The following NEGR1 variants were observed in gnomAD, a reference collection of about 807,000 sequenced individuals.
The protein encoded by NEGR1 is neuronal growth regulator 1.
In NEGR1, 10 loss-of-function variants were observed where a neutral mutation model predicts 40.9. The ratio of observed to expected loss-of-function variants is 0.24; its 90% CI spans 0.15 to 0.42. NEGR1 has a LOEUF of 0.42. NEGR1 is among the 10% of genes least tolerant of loss of function. NEGR1 has a pLI of 1.00. For synonymous variants in NEGR1, 185 were observed against 166.8 expected, an observed-to-expected ratio of 1.11 and a Z score of -0.84; for missense variants, 352 against 438.9, an observed-to-expected ratio of 0.80 and a Z score of 1.77.
In NEGR1 at chr1:71,911,053, C is replaced by T. The variant is rs150450307; in HGVS notation, c.409+24026G>A. The stretch of plus-strand genomic sequence containing the variant: ...GTAGTACTTTAAAAAAATAAAAGAG[C>T]TTGAGAACCACCCTAGTGAGAGAAA... On this transcript the variant is annotated intron_variant, in intron 2 of 6. Coordinates refer to ENST00000357731, the MANE Select transcript of NEGR1 (RefSeq NM_173808.3). 2.1e-3 allele frequency among the ~76,000 whole-genome samples: 319 copies of T among 152,202 alleles called. 1 individual carries two copies. Among genetic ancestry groups the T allele is most frequent in the African/African-American group, 7.4e-3 (308 of 41,554 alleles).
At chr1:71,923,826 C>T (rs964806362) in intron 2 of NEGR1, among the ~76,000 whole-genome samples, 1 of 152,182 alleles carries the variant, frequency 6.6e-6, no homozygotes, top group African/African-American at 2.4e-5. Flanking sequence ...TCTGACCATT[C>T]TTTTGCCTTC....
At chr1:72,256,188 G>T (rs146019645) in intron 1 of NEGR1, among the ~76,000 whole-genome samples, 4 of 152,276 alleles carry the variant, frequency 2.6e-5, no homozygotes, top group Non-Finnish European at 5.9e-5. Flanking sequence ...AGCATGCATT[G>T]CACATACTGA....
intron 1 of NEGR1, among the ~76,000 whole-genome samples, chr1:72,191,663 A>G (rs938370201): frequency 2.0e-5 from 3 of 151,830 alleles, no homozygotes; most frequent in Non-Finnish European, 4.4e-5. Context: ...AAATTCATAC[A>G]TTTATTTTAT....
At chr1:71,916,127 G>A (rs1191795107) in intron 2 of NEGR1, among the ~76,000 whole-genome samples, 1 of 152,014 alleles carries the variant, frequency 6.6e-6, no homozygotes, top group Non-Finnish European at 1.5e-5. Context: ...GCAGGGAGTG[G>A]GGGTTTCCCT....
chr1:71,935,443 G>A, intron 1 of NEGR1, 132 bp from the exon 2 acceptor site: 1 of 646,546 alleles, frequency 1.5e-6, no homozygotes, highest in Non-Finnish European at 2.7e-6. Flanking sequence ...CATTAACTCA[G>A]GAAACATGAA....
At chr1:71,659,720 G>GA (rs370104665) in intron 4 of NEGR1, among the ~76,000 whole-genome samples, 1 of 152,056 alleles carries the variant, frequency 6.6e-6, no homozygotes, top group Non-Finnish European at 1.5e-5. Context: ...CAAGCATATG[G>GA]AAAAAAGCTA....
At chr1:72,259,233 T>TAA (rs1655374769) in intron 1 of NEGR1, among the ~76,000 whole-genome samples, 1 of 152,112 alleles carries the variant, frequency 6.6e-6, no homozygotes, top group South Asian at 2.1e-4. Context: ...CTATAGATTG[T>TAA]AACTCAATTC....
At chr1:71,639,633 G>A (rs1349252993) in intron 4 of NEGR1, among the ~76,000 whole-genome samples, 1 of 152,040 alleles carries the variant, frequency 6.6e-6, no homozygotes. Flanking sequence ...TATACACTGT[G>A]CTGCTGGTGA....
intron 6 of NEGR1, among the ~76,000 whole-genome samples, chr1:71,537,227 A>C (rs887382045): frequency 7.9e-5 from 12 of 151,854 alleles, no homozygotes; most frequent in Middle Eastern, 3.4e-3. Flanking sequence ...GGGCACAGAG[A>C]GATTAAATAT....
chr1:71,941,972 T>G (rs1645963300), intron 1 of NEGR1, among the ~76,000 whole-genome samples: 1 of 151,970 alleles, frequency 6.6e-6, no homozygotes. Flanking sequence ...TATGAAATAA[T>G]TACACTAAAT....
intron 5 of NEGR1, among the ~76,000 whole-genome samples, chr1:71,603,635 C>T (rs1422127925): frequency 1.3e-5 from 2 of 152,106 alleles, no homozygotes; most frequent in African/African-American, 2.4e-5. Flanking sequence ...TCCTTAAACT[C>T]CTTGTTTCAA....
At chr1:71,907,722 T>C (rs1661316074) in intron 2 of NEGR1, among the ~76,000 whole-genome samples, 1 of 152,054 alleles carries the variant, frequency 6.6e-6, no homozygotes, top group Admixed American at 6.6e-5. Flanking sequence ...GCAGCACTAC[T>C]CATCATAGAA....
intron 1 of NEGR1, among the ~76,000 whole-genome samples, chr1:72,158,855 T>C (rs1410180050): frequency 6.6e-6 from 1 of 152,166 alleles, no homozygotes; most frequent in East Asian, 1.9e-4. Flanking sequence ...ATGACTATAA[T>C]TGAAATGGAG....
At chr1:71,654,252 C>T (rs995239145) in intron 4 of NEGR1, among the ~76,000 whole-genome samples, 1 of 151,972 alleles carries the variant, frequency 6.6e-6, no homozygotes, top group African/African-American at 2.4e-5. Flanking sequence ...CAAAACTATT[C>T]TGTATCATAC....
At chr1:71,491,930 T>A (rs539230647) in intron 6 of NEGR1, among the ~76,000 whole-genome samples, 1 of 152,218 alleles carries the variant, frequency 6.6e-6, no homozygotes, top group Non-Finnish European at 1.5e-5. Flanking sequence ...AGGTAGAACC[T>A]TTAGGAGGTG....
At chr1:72,210,688 T>C (rs1653570923) in intron 1 of NEGR1, among the ~76,000 whole-genome samples, 1 of 151,944 alleles carries the variant, frequency 6.6e-6, no homozygotes, top group African/African-American at 2.4e-5. Flanking sequence ...GTGGTGATAC[T>C]AAGAAATGTG....
intron 5 of NEGR1, among the ~76,000 whole-genome samples, chr1:71,600,608 G>C (rs1014440762): frequency 6.6e-6 from 1 of 152,118 alleles, no homozygotes; most frequent in Non-Finnish European, 1.5e-5. Context: ...GAAAGAGAGA[G>C]CTCATATCAA....
intron 2 of NEGR1, among the ~76,000 whole-genome samples, chr1:71,817,888 T>C (rs1658284955): frequency 6.6e-6 from 1 of 152,042 alleles, no homozygotes; most frequent in African/African-American, 2.4e-5. Context: ...GTTTTTGAAA[T>C]GCAGCTAGTT....
chr1:72,034,519 C>G (rs1213940574), intron 1 of NEGR1, among the ~76,000 whole-genome samples: 1 of 152,044 alleles, frequency 6.6e-6, no homozygotes, highest in Non-Finnish European at 1.5e-5. Flanking sequence ...ATCCACAGGA[C>G]CTTATTTTGT....
Sources: gnomAD v4.1 joint callset for allele counts (sites outside exome capture counted in the v4.1 genomes callset) on GRCh38, gnomAD v4.1.1 for gene constraint, MANE v1.5 for transcripts, NCBI Gene and HGNC (gene_info 2026-07-23, HGNC 2026-07-21) for gene names.